The following KANK1 variants were observed in gnomAD, a reference collection of about 807,000 sequenced individuals.
The protein encoded by KANK1 is KN motif and ankyrin repeat domains 1.
A neutral mutation model predicts 106.2 loss-of-function variants in KANK1; 109 were observed. The ratio of observed to expected loss-of-function variants is 1.03; its 90% confidence interval spans 0.88 to 1.20. KANK1 has a LOEUF of 1.20. Ranked by LOEUF, KANK1 falls within the 50% of genes most tolerant of loss-of-function variation. The pLI, the probability that KANK1 is intolerant of heterozygous loss-of-function variation, is 0.00. For missense variants in KANK1, 2,399 were observed against 1,710.7 expected, an observed-to-expected ratio of 1.40 and a Z score of -7.10; for synonymous variants, 873 against 652.2, an observed-to-expected ratio of 1.34 and a Z score of -5.16.
intron 1 of KANK1, among the ~76,000 whole-genome samples, chr9:526,482 G>C (rs1442346917): frequency 1.3e-5 from 2 of 151,772 alleles, no homozygotes; most frequent in African/African-American, 4.9e-5. Context: ...GGAGGCCGAG[G>C]CTGGAGGATT....
chr9:542,109 G>A (rs1352477091), intron 1 of KANK1, among the ~76,000 whole-genome samples: 1 of 151,082 alleles, frequency 6.6e-6, no homozygotes, highest in Admixed American at 6.6e-5. Flanking sequence ...AATGAACAGA[G>A]GACCTTAATA....
intron 1 of KANK1, among the ~76,000 whole-genome samples, chr9:658,133 A>G (rs1842539956): frequency 6.6e-6 from 1 of 152,284 alleles, no homozygotes; most frequent in Admixed American, 6.5e-5. Context: ...TGAAATCTAA[A>G]TAAACTATTC....
chr9:629,802 C>G (rs1007030972), intron 1 of KANK1, among the ~76,000 whole-genome samples: 1 of 152,158 alleles, frequency 6.6e-6, no homozygotes, highest in Non-Finnish European at 1.5e-5. Context: ...AATGGGCACC[C>G]CAATCAGTGA....
chr9:495,394 C>G (rs770236014), intron 3 of KANK1: 3 of 152,198 alleles, frequency 2.0e-5, no homozygotes, highest in Non-Finnish European at 4.4e-5. Context: ...TCTTACGTAA[C>G]CAGATCCTAT....
intron 1 of KANK1, among the ~76,000 whole-genome samples, chr9:550,918 G>T (rs1341461612): frequency 6.6e-6 from 1 of 152,042 alleles, no homozygotes; most frequent in Non-Finnish European, 1.5e-5. Flanking sequence ...AGTTTCTCCA[G>T]GAAAAGGCTC....
At chr9:723,093 T>A (rs1219399589) in intron 3 of KANK1, among the ~76,000 whole-genome samples, 2 of 152,144 alleles carry the variant, frequency 1.3e-5, no homozygotes, top group Non-Finnish European at 2.9e-5. Context: ...ACCTGTAGGA[T>A]GATCTAATTA....
chr9:653,506 T>C (rs1295224707), intron 1 of KANK1, among the ~76,000 whole-genome samples: 2 of 152,164 alleles, frequency 1.3e-5, no homozygotes, highest in African/African-American at 4.8e-5. Flanking sequence ...TCAGAGGTTA[T>C]TGACTTTCCT....
rs930379147 is a variant in KANK1, at chr9:742,357, C to T, written c.3849C>T (p.Val1283=). The change falls in exon 10 of 12, where the codon GTC becomes GTT. Residue 1283 remains valine, a synonymous_variant. Transcript: ENST00000382297. ...CASEHGHVEI[V]KLLLAQPGCN... ...GCGAGCACGGACACGTGGAGATTGT[C>T]AAGCTGCTGCTGGCCCAGCCCGGCT... 1 of 1,614,086 alleles carries T rather than the reference C, an allele frequency of 6.2e-7. No homozygotes were observed. Among genetic ancestry groups the T allele is most frequent in the Non-Finnish European group, 8.5e-7 (1 of 1,180,012 alleles).
At chr9:605,729 G>C (rs1036791678) in intron 1 of KANK1, among the ~76,000 whole-genome samples, 1 of 151,756 alleles carries the variant, frequency 6.6e-6, no homozygotes, top group Non-Finnish European at 1.5e-5. Flanking sequence ...ATGTTGAGGA[G>C]GGGAAAGAAG....
intron 1 of KANK1, among the ~76,000 whole-genome samples, chr9:644,570 G>A (rs1274100776): frequency 6.6e-6 from 1 of 150,540 alleles, no homozygotes; most frequent in Non-Finnish European, 1.5e-5. Flanking sequence ...GGTGCTACAC[G>A]CTTTTAAATA....
intron 2 of KANK1, among the ~76,000 whole-genome samples, chr9:471,744 A>G (rs1471411246): frequency 6.6e-6 from 1 of 152,154 alleles, no homozygotes; most frequent in Non-Finnish European, 1.5e-5. Flanking sequence ...TGTAAAAGAA[A>G]TTAGCCAGGC....
At chr9:548,750 AGTTT>A (rs1323650360) in intron 1 of KANK1, among the ~76,000 whole-genome samples, 62 of 152,296 alleles carry the variant, frequency 4.1e-4, no homozygotes, top group African/African-American at 1.5e-3. Flanking sequence ...AGATTTTTAA[AGTTT>A]TATAATGACC....
chr9:470,334 C>G (rs563251959), exon 1 of KANK1: 3 of 152,390 alleles, frequency 2.0e-5, no homozygotes, highest in African/African-American at 7.2e-5. Context: ...GTGCTCCAGC[C>G]TGCTCAGCAG....
chr9:723,976 G>C (rs964134190), intron 3 of KANK1, among the ~76,000 whole-genome samples: 1 of 150,712 alleles, frequency 6.6e-6, no homozygotes, highest in South Asian at 2.1e-4. Context: ...GGTTTTGTAC[G>C]TCTGTGGTCC....
intron 3 of KANK1, among the ~76,000 whole-genome samples, chr9:720,485 A>C (rs1829009353): frequency 6.6e-6 from 1 of 152,194 alleles, no homozygotes; most frequent in Non-Finnish European, 1.5e-5. Context: ...CTAGGACTAC[A>C]GACACTTACC....
Position 730,158 on chromosome 9 carries a change from C to G in KANK1, c.2806C>G (p.Pro936Ala), listed in dbSNP as rs1831811305. 1 of 1,614,174 alleles carries G rather than the reference C, an allele frequency of 6.2e-7. No individual in the cohort carries two copies. Among genetic ancestry groups the G allele is most frequent in the East Asian group, 2.2e-5 (1 of 44,872 alleles). ...EQEVGTSEGK[P>A]ISSLDAFPTQ... Reference sequence around the variant, plus strand: ...AGAAGTGGGGACCTCAGAAGGAAAGCCAATCAGCAGCCTGGATGCCTTCCC... The same window carrying G: ...AGAAGTGGGGACCTCAGAAGGAAAGGCAATCAGCAGCCTGGATGCCTTCCC... Residue 936 changes from proline to alanine, a missense_variant, in exon 4 of 12, where the codon CCA becomes GCA. By Grantham distance (27) the Pro-to-Ala change is conservative. Transcript: ENST00000382297.
At chr9:720,914 C>G (rs1829141902) in intron 3 of KANK1, among the ~76,000 whole-genome samples, 1 of 152,200 alleles carries the variant, frequency 6.6e-6, no homozygotes, top group Non-Finnish European at 1.5e-5. Flanking sequence ...CCTAAAAATT[C>G]ACATGGATCC....
intron 2 of KANK1, among the ~76,000 whole-genome samples, chr9:695,244 A>G (rs1010111568): frequency 2.0e-5 from 3 of 152,192 alleles, no homozygotes; most frequent in African/African-American, 7.2e-5. Flanking sequence ...GTTAGAGAGC[A>G]CTGTGCCCTG....
chr9:579,435 GTC>G (rs1212794977), intron 1 of KANK1, among the ~76,000 whole-genome samples: 1 of 152,166 alleles, frequency 6.6e-6, no homozygotes, highest in African/African-American at 2.4e-5. Context: ...GAAGGACTCT[GTC>G]TCTGTGTGTT....
Sources: allele counts gnomAD v4.1 joint callset (sites outside exome capture counted in the v4.1 genomes callset), GRCh38; gene constraint gnomAD v4.1.1; transcripts MANE v1.5; gene names NCBI Gene and HGNC (gene_info 2026-07-23, HGNC 2026-07-21).